PRKG1: variants seen among roughly 807,000 people sequenced by gnomAD.
The protein encoded by PRKG1 is protein kinase cGMP-dependent 1, also known as cGMP-dependent protein kinase 1.
Under a neutral mutation model 88.1 loss-of-function variants are expected in PRKG1, and 35 were observed. The ratio of observed to expected loss-of-function variants is 0.40; its 90% CI spans 0.30 to 0.53. The LOEUF is 0.53. Among genes scored for constraint, PRKG1 ranks in the 20% least tolerant of loss-of-function variants. The pLI is 0.59. For missense variants in PRKG1, 540 were observed against 839.8 expected, an observed-to-expected ratio of 0.64 and a Z score of 4.41; for synonymous variants, 303 against 292.5, an observed-to-expected ratio of 1.04 and a Z score of -0.37.
chr10:51,074,429 C>A (rs1469029116), upstream of PRKG1: 6 of 1,444,930 alleles, frequency 4.2e-6, no homozygotes, highest in Admixed American at 1.4e-4. Flanking sequence ...CTGGAGCCGG[C>A]GGACTGGGCA....
chr10:51,752,667 G>A (rs1357511914), intron 3 of PRKG1, among the ~76,000 whole-genome samples: 2 of 152,030 alleles, frequency 1.3e-5, no homozygotes, highest in Non-Finnish European at 2.9e-5. Context: ...TGTCGTTACC[G>A]TTTGTTTTGT....
Position 51,973,895 on chromosome 10 carries a change from G to A in PRKG1, c.762+66325G>A, listed in dbSNP as rs116436869. Among the ~76,000 whole-genome samples the A allele has an allele frequency of 4.7e-3, 709 of 152,202 alleles. 5 individuals are homozygous for A. Among genetic ancestry groups the A allele is most frequent in the African/African-American group, 0.016 (644 of 41,524 alleles). ...TGGTTTTGTATGGCCCAGGAGCTAAGAAGGAATTTTACATTTAAGCGGTTA... is the reference window on the plus strand; with the variant it reads ...TGGTTTTGTATGGCCCAGGAGCTAAAAAGGAATTTTACATTTAAGCGGTTA... On this transcript the variant is annotated intron_variant, in intron 5 of 17. Transcript: ENST00000373980.
intron 2 of PRKG1, among the ~76,000 whole-genome samples, chr10:51,184,942 T>C (rs1473232081): frequency 6.6e-6 from 1 of 152,176 alleles, no homozygotes; most frequent in Non-Finnish European, 1.5e-5. Flanking sequence ...GAGAGGCCAA[T>C]TGATCTCTCA....
intron 3 of PRKG1, among the ~76,000 whole-genome samples, chr10:51,786,704 C>A (rs1236462065): frequency 1.3e-5 from 2 of 152,290 alleles, no homozygotes; most frequent in Non-Finnish European, 2.9e-5. Context: ...ACTGTCATAG[C>A]TATATTACTT....
chr10:51,856,039 A>G (rs1397095878), intron 4 of PRKG1, among the ~76,000 whole-genome samples: 2 of 152,132 alleles, frequency 1.3e-5, no homozygotes, highest in African/African-American at 2.4e-5. Context: ...TGCTGTCAGC[A>G]TCCCTTAGCT....
At chr10:51,830,900 A>G (rs758688964) in intron 4 of PRKG1, among the ~76,000 whole-genome samples, 1 of 151,982 alleles carries the variant, frequency 6.6e-6, no homozygotes, top group African/African-American at 2.4e-5. Context: ...ATAACATTTA[A>G]TGTTTTCAAC....
intron 2 of PRKG1, among the ~76,000 whole-genome samples, chr10:51,443,460 A>G (rs1467465994): frequency 6.6e-6 from 1 of 152,016 alleles, no homozygotes; most frequent in South Asian, 2.1e-4. Flanking sequence ...ATTAATTTAA[A>G]TTCTTATTGG....
At chr10:52,147,556 C>A (rs1837765893) in intron 8 of PRKG1, among the ~76,000 whole-genome samples, 1 of 152,144 alleles carries the variant, frequency 6.6e-6, no homozygotes, top group Non-Finnish European at 1.5e-5. Flanking sequence ...GCCAATTATA[C>A]CAACTCTTGC....
chr10:52,138,066 C>T (rs1435736613), intron 8 of PRKG1, among the ~76,000 whole-genome samples: 1 of 152,044 alleles, frequency 6.6e-6, no homozygotes, highest in African/African-American at 2.4e-5. Flanking sequence ...CCCTGATTCA[C>T]TGTGTTGCCT....
At chr10:51,148,125 T>C (rs2131966475) in intron 1 of PRKG1, 1 of 424,228 alleles carries the variant, frequency 2.4e-6, no homozygotes, top group South Asian at 9.9e-5. Flanking sequence ...AGTTGTCCTT[T>C]GAAAATAACT....
chr10:51,776,046 G>A (rs1838426836), intron 3 of PRKG1, among the ~76,000 whole-genome samples: 3 of 151,900 alleles, frequency 2.0e-5, no homozygotes, highest in Middle Eastern at 3.2e-3. Flanking sequence ...TTTCTCAGTC[G>A]GTTTCCCCAC....
chr10:51,371,374 A>G (rs1842702720), intron 2 of PRKG1, among the ~76,000 whole-genome samples: 1 of 151,994 alleles, frequency 6.6e-6, no homozygotes, highest in Admixed American at 6.6e-5. Context: ...CATCTCTTTA[A>G]AAAAATAAAA....
rs780665157 is a variant in PRKG1, at chr10:51,150,251, A to G, written c.312-2913A>G. On this transcript the variant is annotated intron_variant, in intron 1 of 17. Transcript: ENST00000373980. The stretch of plus-strand genomic sequence containing the variant: ...CCCCAACTCCCATACTAATAACACA[A>G]CTCAACTCACTGATTTTATATGCAT... Among the ~76,000 whole-genome samples, 23 of 152,094 alleles carry G rather than the reference A, an allele frequency of 1.5e-4. No homozygotes were observed. In the Middle Eastern group the frequency reaches 0.01, roughly 67 times the overall value.
rs1840129144 is a variant in PRKG1, at chr10:51,474,155, T to TTTTG, written c.592+6322_592+6323insGTTT. Among the ~76,000 whole-genome samples, 6 of 151,916 alleles carry TTTTG rather than the reference T, an allele frequency of 3.9e-5. No individual in the cohort carries two copies. In the South Asian group the frequency reaches 1.2e-3, roughly 31 times the overall value. ...GGGATGGGTGTTGTTGTTACCCCCA[T>TTTTG]TTTATTGCAAAAGCAACTAAGACCT... On this transcript the variant is annotated intron_variant, in intron 3 of 17. Coordinates refer to ENST00000373980, the MANE Select transcript of PRKG1 (RefSeq NM_006258.4).
chr10:51,589,159 T>C (rs999927134), intron 3 of PRKG1, among the ~76,000 whole-genome samples: 2 of 152,178 alleles, frequency 1.3e-5, no homozygotes, highest in Non-Finnish European at 2.9e-5. Context: ...CCCTATCAAC[T>C]ACTCAGTCAA....
At chr10:51,938,258 A>AT (rs1378837063) in intron 5 of PRKG1, among the ~76,000 whole-genome samples, 1 of 152,052 alleles carries the variant, frequency 6.6e-6, no homozygotes, top group Non-Finnish European at 1.5e-5. Flanking sequence ...AAATTGTTGT[A>AT]TTTCTTATTA....
intron 1 of PRKG1, among the ~76,000 whole-genome samples, chr10:51,011,450 A>G (rs1489653478): frequency 1.3e-5 from 2 of 152,208 alleles, no homozygotes; most frequent in African/African-American, 4.8e-5. Flanking sequence ...TTAACGAAGA[A>G]TTAATGGAAA....
chr10:51,493,450 A>G (rs1349221694), intron 3 of PRKG1, among the ~76,000 whole-genome samples: 3 of 148,396 alleles, frequency 2.0e-5, no homozygotes, highest in African/African-American at 7.9e-5. Flanking sequence ...ATTATACTGC[A>G]TATGATGACA....
In PRKG1 at chr10:51,040,955, CA is replaced by C. The variant is rs546671387; in HGVS notation, c.266+49313del. 8.2e-4 allele frequency among the ~76,000 whole-genome samples: 124 copies of C among 151,960 alleles called. 2 individuals carry two copies. Among genetic ancestry groups the C allele is most frequent in the Admixed American group, 8.1e-3 (123 of 15,256 alleles). On this transcript the variant is annotated intron_variant, in intron 1 of 17. Transcript: ENST00000401604. ...AAGGATAATTTGACTTCTTCCTTTC[CA>C]ATTTGATGCCTTTTGTTTCTTTCTC... is the stretch of plus-strand genomic sequence containing the variant.
Sources: gnomAD v4.1 joint callset for allele counts (sites outside exome capture counted in the v4.1 genomes callset) on GRCh38, gnomAD v4.1.1 for gene constraint, MANE v1.5 for transcripts, NCBI Gene and HGNC (gene_info 2026-07-23, HGNC 2026-07-21) for gene names.